The following NEDD9 variants were observed in gnomAD, a reference collection of about 807,000 sequenced individuals.
NEDD9 encodes neural precursor cell expressed, developmentally down-regulated 9.
Under a neutral mutation model 76.6 loss-of-function variants are expected in NEDD9, and 26 were observed. The ratio of observed to expected loss-of-function variants is 0.34; its 90% CI spans 0.25 to 0.47. The LOEUF (loss-of-function observed/expected upper bound fraction) is 0.47. NEDD9 is among the 20% of genes least tolerant of loss of function. NEDD9 has a pLI of 1.00. For synonymous variants in NEDD9, 392 were observed against 414.2 expected (o/e 0.95, Z 0.65); for missense variants, 937 against 1,058.5 (o/e 0.89, Z 1.59).
At chr6:11,315,266 G>C (rs1761517865) in intron 2 of NEDD9, among the ~76,000 whole-genome samples, 1 of 152,178 alleles carries the variant, frequency 6.6e-6, no homozygotes, top group African/African-American at 2.4e-5. Context: ...GATTCACACA[G>C]TTTATTTTGG....
At chr6:11,263,302 G>A (rs1370283434) in intron 3 of NEDD9, among the ~76,000 whole-genome samples, 1 of 152,154 alleles carries the variant, frequency 6.6e-6, no homozygotes, top group Admixed American at 6.6e-5. Context: ...ATGATTAATA[G>A]TCTGCAGTAG....
chr6:11,270,379 T>G (rs528489443), intron 3 of NEDD9, among the ~76,000 whole-genome samples: 1 of 152,104 alleles, frequency 6.6e-6, no homozygotes, highest in East Asian at 1.9e-4. Context: ...TTTTTTTTTT[T>G]TTTTTTAAAT....
chr6:11,305,956 A>C, intron 3 of NEDD9: 1 of 1,612,658 alleles, frequency 6.2e-7, no homozygotes, highest in Non-Finnish European at 8.5e-7. Context: ...AAAAAGGGGA[A>C]TCACAAATTG....
At chr6:11,192,981 G>A (rs1211353569) in intron 3 of NEDD9, among the ~76,000 whole-genome samples, 1 of 132,808 alleles carries the variant, frequency 7.5e-6, no homozygotes, top group Non-Finnish European at 1.6e-5. Context: ...AAATATCTAC[G>A]CTGTCTGTAC....
In NEDD9 at chr6:11,190,423, G is replaced by A. The variant is rs746547506; in HGVS notation, c.1446C>T (p.His482=). Residue 482 remains histidine (H), a synonymous_variant, in exon 5 of 7, where the codon CAC becomes CAT. Coordinates refer to ENST00000379446, the MANE Select transcript of NEDD9 (RefSeq NM_006403.4). This position sits in a 1 kb window ranked among gnomAD's most constrained non-coding sequence, Gnocchi z 5.8. ...NAACLPELIL[H]NKMKRELQRV... ...GTTGCAGCTCCCGCTTCATCTTGTT[G>A]TGGAGGATGAGTTCCGGGAGGCAGG... 6.2e-6 allele frequency: 10 copies of A among 1,614,222 alleles called. No homozygotes were observed. The highest frequency in any genetic ancestry group is 2.2e-5 in the South Asian group (2 of 91,078).
intron 3 of NEDD9, among the ~76,000 whole-genome samples, chr6:11,285,662 C>A (rs916269331): frequency 6.6e-6 from 1 of 152,138 alleles, no homozygotes; most frequent in African/African-American, 2.4e-5. Context: ...GTGATATTGG[C>A]TTAAAGACTG....
chr6:11,232,426 G>A (rs567654444), intron 1 of NEDD9, 78 bp downstream of exon 1: 45 of 1,559,024 alleles, frequency 2.9e-5, no homozygotes, highest in South Asian at 2.1e-4. Context: ...CTGACAGTAA[G>A]GAACACGCAT....
chr6:11,346,994 C>T (rs1762376222), intron 1 of NEDD9, among the ~76,000 whole-genome samples: 1 of 152,114 alleles, frequency 6.6e-6, no homozygotes, highest in East Asian at 1.9e-4. Context: ...CTTCATGTAT[C>T]TCCATGGGCT....
intron 1 of NEDD9, among the ~76,000 whole-genome samples, chr6:11,335,320 A>G (rs554155183): frequency 1.3e-5 from 2 of 152,356 alleles, no homozygotes; most frequent in Admixed American, 6.5e-5. Flanking sequence ...AAATATGGTC[A>G]TGGTCACTGT....
At chr6:11,339,407 C>A (rs1481531594) in intron 1 of NEDD9, among the ~76,000 whole-genome samples, 1 of 152,192 alleles carries the variant, frequency 6.6e-6, no homozygotes, top group African/African-American at 2.4e-5. Flanking sequence ...TGAGCCTTTC[C>A]ACTGCTCTCT....
rs1757907138 is a variant in NEDD9 at position 11,183,646 on chromosome 6, G to T, written c.*1516C>A. The T allele has an allele frequency of 6.8e-6, 1 of 146,776 alleles. No homozygotes were observed. Among genetic ancestry groups the T allele is most frequent in the Admixed American group, 6.9e-5 (1 of 14,514 alleles). 9.1% of individuals were successfully genotyped at this position (146,776 alleles called of 1,614,324 possible). A position where few individuals can be genotyped will look rare whatever the true frequency, so the allele number is the denominator to read the frequency against. The stretch of plus-strand genomic sequence containing the variant: ...CCTTCTATGATCATTTATTTCCACT[G>T]ATTTTTTTTTAATCACTCTGAGATC... On this transcript the variant is annotated 3_prime_UTR_variant, in exon 7 of 7. Transcript: ENST00000379446.
At chr6:11,232,427 G>A (rs868405343) in intron 1 of NEDD9, 77 bp downstream of exon 1, 29 of 1,559,674 alleles carry the variant, frequency 1.9e-5, no homozygotes, top group South Asian at 6.7e-5. Flanking sequence ...TGACAGTAAG[G>A]AACACGCATA....
intron 3 of NEDD9, among the ~76,000 whole-genome samples, chr6:11,274,794 A>C (rs1022278767): frequency 6.6e-6 from 1 of 152,222 alleles, no homozygotes; most frequent in Admixed American, 6.5e-5. Flanking sequence ...AGTCCTTATG[A>C]AAAACAGTAG....
At chr6:11,209,498 G>A (rs931632732) in intron 2 of NEDD9, among the ~76,000 whole-genome samples, 10 of 152,156 alleles carry the variant, frequency 6.6e-5, no homozygotes, top group African/African-American at 1.4e-4. Context: ...TCGGTGTGTC[G>A]TAAGAAACAC....
At chr6:11,321,500 G>C (rs114099918) in intron 2 of NEDD9, among the ~76,000 whole-genome samples, 2 of 152,134 alleles carry the variant, frequency 1.3e-5, no homozygotes, top group South Asian at 2.1e-4. Context: ...CGTGTTTATC[G>C]GCAGATTTTC....
rs1438487576 is a variant in NEDD9, at chr6:11,252,984, T to G, written c.13-39257A>C. On this transcript the variant is annotated intron_variant, in intron 3 of 3. Transcript: ENST00000397378. This position sits in a 1 kb window ranked among gnomAD's most constrained non-coding sequence, Gnocchi z 4.3. ...TTTTAATGCTTTCCTGGCAGTTGCC[T>G]AAGAACAAAACATTATCTTGTGGGA... Among the ~76,000 whole-genome samples the G allele has an allele frequency of 6.6e-6, 1 of 152,178 alleles. No homozygotes were observed. The highest frequency in any genetic ancestry group is 1.5e-5 in the Non-Finnish European group (1 of 68,026).
chr6:11,257,749 G>A (rs1454209016), intron 3 of NEDD9, among the ~76,000 whole-genome samples: 2 of 147,264 alleles, frequency 1.4e-5, no homozygotes, highest in Admixed American at 6.7e-5. Flanking sequence ...CAGCAGCCCC[G>A]CAGAGTGACA....
At chr6:11,270,100 G>A (rs1362035234) in intron 3 of NEDD9, among the ~76,000 whole-genome samples, 1 of 152,226 alleles carries the variant, frequency 6.6e-6, no homozygotes, top group Non-Finnish European at 1.5e-5. Flanking sequence ...CTGCACTCCA[G>A]TCTGGGCAAC....
intron 2 of NEDD9, among the ~76,000 whole-genome samples, chr6:11,202,077 G>A (rs867109484): frequency 4.6e-5 from 7 of 152,152 alleles, no homozygotes; most frequent in South Asian, 2.1e-4. Context: ...AAGTGTCCCC[G>A]TGCTGTAATG....
Sources: allele counts gnomAD v4.1 joint callset (sites outside exome capture counted in the v4.1 genomes callset), GRCh38; gene constraint gnomAD v4.1.1; non-coding constraint Gnocchi (gnomAD v3.1); transcripts MANE v1.5; gene names NCBI Gene and HGNC (gene_info 2026-07-23, HGNC 2026-07-21).